The following SLC22A5 variants were observed in gnomAD, a reference collection of about 807,000 sequenced individuals.
SLC22A5 encodes the protein organic cation/carnitine transporter 2.
A neutral mutation model predicts 56.7 loss-of-function variants in SLC22A5; 44 were observed. The observed-to-expected ratio is 0.78, with a 90% confidence interval of 0.61 to 1.00. SLC22A5 has a LOEUF of 1.00. SLC22A5 is among the 50% of genes least tolerant of loss of function. The pLI is 0.00. For synonymous variants in SLC22A5, 278 were observed against 292.1 expected, an observed-to-expected ratio of 0.95 and a Z score of 0.49; for missense variants, 675 against 723.0, an observed-to-expected ratio of 0.93 and a Z score of 0.76.
intron 6 of SLC22A5, chr5:132,389,819 C>T (rs1752642977): frequency 6.5e-6 from 1 of 154,086 alleles, no homozygotes; most frequent in African/African-American, 2.4e-5. Flanking sequence ...TCACCATTCC[C>T]TGAGTTGGCC....
At chr5:132,386,891 C>A in intron 4 of SLC22A5, 134 bp from the exon 5 acceptor site, 1 of 956,260 alleles carries the variant, frequency 1.0e-6, no homozygotes, top group Non-Finnish European at 1.7e-6. Context: ...CTCTTTGCTT[C>A]TGGCTTGTGA....
intron 1 of SLC22A5, among the ~76,000 whole-genome samples, chr5:132,372,107 A>G (rs148530359): frequency 6.6e-6 from 1 of 152,336 alleles, no homozygotes; most frequent in Non-Finnish European, 1.5e-5. Context: ...ACATAGCTTC[A>G]GTGTCCAGAG....
In SLC22A5 at chr5:132,370,583, C is replaced by G. The variant is rs557707362; in HGVS notation, c.393+218C>G. ...GTGTGCTCCTCCCTGCACAGGTGGTCAGTCTGGCCTCCCGTCCTGATGGCC... is the reference window on the plus strand; with the variant it reads ...GTGTGCTCCTCCCTGCACAGGTGGTGAGTCTGGCCTCCCGTCCTGATGGCC... On this transcript the variant is annotated intron_variant, in intron 1 of 9. Coordinates refer to ENST00000245407, the MANE Select transcript of SLC22A5 (RefSeq NM_003060.4). Among the ~76,000 whole-genome samples, 439 of 152,302 alleles carry G rather than the reference C, an allele frequency of 2.9e-3. 1 individual carries two copies. The highest frequency in any genetic ancestry group is 5.3e-3 in the Non-Finnish European group (363 of 68,014).
intron 1 of SLC22A5, among the ~76,000 whole-genome samples, chr5:132,372,785 A>G (rs1024115823): frequency 1.7e-4 from 26 of 152,292 alleles, no homozygotes; most frequent in Middle Eastern, 3.4e-3. Flanking sequence ...TGCTGCATCA[A>G]CATTCTAATG....
chr5:132,393,698 C>G lies in SLC22A5; in HGVS notation c.1473C>G (p.Pro491=). 1 of 1,614,196 alleles carries G rather than the reference C, an allele frequency of 6.2e-7. No individual in the cohort carries two copies. ...TAGGTGCCTACGACCGCTTCCTGCC[C>G]TACATTCTCATGGGAAGTCTGACCA... ...VYLGAYDRFL[P]YILMGSLTIL... is the part of the protein sequence containing the mutation. The change falls in exon 9 of 10, where the codon CCC becomes CCG. Residue 491 remains proline, a synonymous_variant. Coordinates refer to ENST00000245407, the MANE Select transcript of SLC22A5 (RefSeq NM_003060.4).
Position 132,369,896 on chromosome 5 carries a change from G to A in SLC22A5, c.-77G>A, listed in dbSNP as rs13180295. On this transcript the variant is annotated 5_prime_UTR_variant, in exon 1 of 10. Coordinates refer to ENST00000245407, the MANE Select transcript of SLC22A5 (RefSeq NM_003060.4). ...CTGCCTGGCTTGCCTGGTCGGCGGC[G>A]GGTGCCCCGCGCGCACGCGCAAAGC... 0.079 allele frequency: 123,769 copies of A among 1,563,670 alleles called. 6,147 individuals are homozygous for A. Among genetic ancestry groups the A allele is most frequent in the East Asian group, 0.29 (12,776 of 43,732 alleles).
chr5:132,378,024 G>A, intron 1 of SLC22A5: 3 of 1,395,254 alleles, frequency 2.2e-6, no homozygotes, highest in Non-Finnish European at 2.9e-6. Flanking sequence ...ACCCCACTGA[G>A]CGAGGGTGCC....
rs971115814 is a variant in SLC22A5 at position 132,394,562 on chromosome 5, A to G, written c.*290A>G. 1.0e-4 allele frequency: 50 copies of G among 488,654 alleles called. No individual in the cohort carries two copies. Among genetic ancestry groups the G allele is most frequent in the Non-Finnish European group, 1.2e-4 (32 of 272,060 alleles). 30.3% of individuals were successfully genotyped at this position (488,654 alleles called of 1,614,324 possible). A position where few individuals can be genotyped will look rare whatever the true frequency, so the allele number is the denominator to read the frequency against. On this transcript the variant is annotated 3_prime_UTR_variant, in exon 10 of 10. Coordinates refer to ENST00000245407, the MANE Select transcript of SLC22A5 (RefSeq NM_003060.4). ...AAGCAGTTAATTTTTCACTAGAACCAGTGAGATCTGGAGGAATGTGAGAAG... is the reference window on the plus strand; with the variant it reads ...AAGCAGTTAATTTTTCACTAGAACCGGTGAGATCTGGAGGAATGTGAGAAG...
At chr5:132,372,327 G>C (rs554090393) in intron 1 of SLC22A5, among the ~76,000 whole-genome samples, 1 of 152,320 alleles carries the variant, frequency 6.6e-6, no homozygotes, top group East Asian at 1.9e-4. Context: ...AGGGGAACAT[G>C]ACACAGGAAT....
intron 1 of SLC22A5, chr5:132,377,957 G>A: frequency 2.8e-6 from 2 of 714,864 alleles, no homozygotes; most frequent in South Asian, 2.0e-5. Flanking sequence ...TTGGCCCGTA[G>A]AGCCCCAGAG....
At chr5:132,375,467 G>A (rs578231666) in intron 1 of SLC22A5, among the ~76,000 whole-genome samples, 3 of 152,298 alleles carry the variant, frequency 2.0e-5, no homozygotes, top group Admixed American at 1.3e-4. Context: ...TTCTGTCTTA[G>A]GGGCACACAC....
intron 2 of SLC22A5, chr5:132,382,890 T>C (rs1365982025): frequency 6.6e-6 from 1 of 152,230 alleles, no homozygotes; most frequent in African/African-American, 2.4e-5. Flanking sequence ...TGAAAGTGGG[T>C]GTCAGCCAGT....
At chr5:132,380,295 G>A (rs1752304885) in intron 2 of SLC22A5, 1 of 152,392 alleles carries the variant, frequency 6.6e-6, no homozygotes, top group African/African-American at 2.4e-5. Flanking sequence ...GTGTTAAGAT[G>A]AAGGGGAGAG....
chr5:132,370,921 T>C (rs1353650512), intron 1 of SLC22A5, among the ~76,000 whole-genome samples: 1 of 151,682 alleles, frequency 6.6e-6, no homozygotes, highest in Non-Finnish European at 1.5e-5. Flanking sequence ...CTGTAAGTAA[T>C]TGTTTGCCTT....
intron 4 of SLC22A5, among the ~76,000 whole-genome samples, chr5:132,386,431 G>GC (rs1235253704): frequency 1.3e-5 from 2 of 151,956 alleles, no homozygotes; most frequent in African/African-American, 4.8e-5. Context: ...GGGTTTCACT[G>GC]CGTTGGCCAG....
intron 7 of SLC22A5, among the ~76,000 whole-genome samples, chr5:132,391,497 A>C (rs1296241454): frequency 6.6e-6 from 1 of 152,232 alleles, no homozygotes; most frequent in Non-Finnish European, 1.5e-5. Context: ...GTTCAGTAGA[A>C]ATGTACATAA....
At chr5:132,378,591 T>G in intron 2 of SLC22A5, 110 bp downstream of exon 2, 1 of 842,404 alleles carries the variant, frequency 1.2e-6, no homozygotes, top group Middle Eastern at 2.6e-4. Flanking sequence ...GGCCCTGTAT[T>G]TTAAAGAAGA....
At chr5:132,370,858 A>G (rs935393312) in intron 1 of SLC22A5, among the ~76,000 whole-genome samples, 5 of 151,716 alleles carry the variant, frequency 3.3e-5, no homozygotes, top group Non-Finnish European at 7.4e-5. Context: ...TTTTTCCTCT[A>G]GTTACTCCTT....
intron 2 of SLC22A5, chr5:132,380,679 G>C (rs1323119605): frequency 6.6e-6 from 1 of 152,130 alleles, no homozygotes; most frequent in Non-Finnish European, 1.5e-5. Flanking sequence ...GAGTAACTGG[G>C]TGAATGAAGG....
Sources: gnomAD v4.1 joint callset for allele counts (sites outside exome capture counted in the v4.1 genomes callset) on GRCh38, gnomAD v4.1.1 for gene constraint, MANE v1.5 for transcripts, NCBI Gene and HGNC (gene_info 2026-07-23, HGNC 2026-07-21) for gene names.